Variants in FGF18 observed in about 807,000 individuals in gnomAD.
The protein encoded by FGF18 is fibroblast growth factor 18.
In FGF18, 5 loss-of-function variants were observed where a neutral mutation model predicts 23.0. The observed-to-expected ratio is 0.22, with a 90% confidence interval of 0.11 to 0.46. The LOEUF (loss-of-function observed/expected upper bound fraction) is 0.46. FGF18 is among the 20% of genes least tolerant of loss of function. The pLI, the probability that FGF18 is intolerant of heterozygous loss-of-function variation, is 0.99. For missense variants in FGF18, 180 were observed against 291.6 expected (o/e 0.62, Z 2.79); for synonymous variants, 117 against 118.9 (o/e 0.98, Z 0.10).
At chr5:171,423,081 C>T (rs1394560328) in intron 2 of FGF18, among the ~76,000 whole-genome samples, 2 of 152,112 alleles carry the variant, frequency 1.3e-5, no homozygotes, top group Non-Finnish European at 2.9e-5. Context: ...GTTTCTGGGC[C>T]CCTCCTTTCT....
intron 3 of FGF18, among the ~76,000 whole-genome samples, chr5:171,444,603 G>T (rs1408470150): frequency 6.7e-6 from 1 of 148,554 alleles, no homozygotes; most frequent in Admixed American, 6.7e-5. Context: ...TGAGGCTGGG[G>T]ATGGGTGGGT....
At position 171,434,868 on chromosome 5, in the gene FGF18, A is replaced by G. The variant is rs529360564; in HGVS notation, c.70-1225A>G. ...ACTGGGGCCAAAAGACAAAACCCAG[A>G]TAAGTGCTGGAAAGAAGCGCAAAGC... On this transcript the variant is annotated intron_variant, in intron 2 of 4. Transcript: ENST00000274625. The surrounding 1 kb of genome is among the most constrained non-coding windows in gnomAD (Gnocchi z 4.6). 8.6e-5 allele frequency among the ~76,000 whole-genome samples: 13 copies of G among 150,724 alleles called. 1 individual carries two copies. In the South Asian group the frequency reaches 2.5e-3, roughly 29 times the overall value.
rs1428446473 is a variant in FGF18 at position 171,449,368 on chromosome 5, TG to T, written c.357+116del. The T allele has an allele frequency of 3.0e-3, 1,288 of 435,392 alleles. 13 individuals are homozygous for T. Among genetic ancestry groups the T allele is most frequent in the African/African-American group, 0.028 (1,181 of 41,566 alleles). 27.0% of individuals were successfully genotyped at this position (435,392 alleles called of 1,614,324 possible). A position where few individuals can be genotyped will look rare whatever the true frequency, so the allele number is the denominator to read the frequency against. Reference sequence around the variant, plus strand: ...CCAAATGGAAAACAGGCCGTGTGTGTGTGTGTGTGTGTGTGTGTGTGTGTGT... The same window carrying T: ...CCAAATGGAAAACAGGCCGTGTGTGTTGTGTGTGTGTGTGTGTGTGTGTGT... On this transcript the variant is annotated intron_variant, in intron 4 of 4. Coordinates refer to ENST00000274625, the MANE Select transcript of FGF18 (RefSeq NM_003862.3).
intron 4 of FGF18, among the ~76,000 whole-genome samples, chr5:171,450,449 T>A (rs1772481279): frequency 6.6e-6 from 1 of 152,152 alleles, no homozygotes; most frequent in African/African-American, 2.4e-5. Flanking sequence ...CCCAGGAGGC[T>A]GCCACCGCTA....
intron 2 of FGF18, among the ~76,000 whole-genome samples, chr5:171,424,526 A>T (rs1018386796): frequency 6.6e-6 from 1 of 152,214 alleles, no homozygotes; most frequent in Non-Finnish European, 1.5e-5. Context: ...TGGATTCAAG[A>T]TCTTGTATTC....
At chr5:171,424,686 A>T (rs1298214129) in intron 2 of FGF18, among the ~76,000 whole-genome samples, 1 of 152,178 alleles carries the variant, frequency 6.6e-6, no homozygotes, top group East Asian at 1.9e-4. Flanking sequence ...TTGAGAGCCC[A>T]GGTAGGCGTC....
At chr5:171,454,589 G>T (rs1211020820) in intron 4 of FGF18, among the ~76,000 whole-genome samples, 1 of 152,180 alleles carries the variant, frequency 6.6e-6, no homozygotes, top group Non-Finnish European at 1.5e-5. Flanking sequence ...TTCTTACCCT[G>T]CCTGTCCCTT....
intron 3 of FGF18, among the ~76,000 whole-genome samples, chr5:171,448,691 T>A (rs533993564): frequency 6.6e-6 from 1 of 152,240 alleles, no homozygotes; most frequent in African/African-American, 2.4e-5. Context: ...CCTGTCCTGC[T>A]TGGGAGAATG....
intron 3 of FGF18, among the ~76,000 whole-genome samples, chr5:171,448,204 G>A (rs1196315680): frequency 6.6e-6 from 1 of 152,202 alleles, no homozygotes; most frequent in Admixed American, 6.5e-5. Context: ...GCTCTGTGGA[G>A]CATGGATGGT....
At chr5:171,423,410 G>GC (rs1191844498) in intron 2 of FGF18, among the ~76,000 whole-genome samples, 3 of 152,224 alleles carry the variant, frequency 2.0e-5, no homozygotes, top group Non-Finnish European at 4.4e-5. Context: ...CTTTCACGCA[G>GC]CTCGGCCGGC....
intron 3 of FGF18, among the ~76,000 whole-genome samples, chr5:171,445,380 A>T (rs1772403639): frequency 6.6e-6 from 1 of 152,122 alleles, no homozygotes; most frequent in Non-Finnish European, 1.5e-5. Flanking sequence ...ATGTTTTGAG[A>T]TGGAGTCTCA....
At position 171,420,245 on chromosome 5, in the gene FGF18, C is replaced by A; in HGVS notation, c.32+14C>A. 6.3e-7 allele frequency: 1 copy of A among 1,584,352 alleles called. No homozygotes were observed. The highest frequency in any genetic ancestry group is 8.6e-7 in the Non-Finnish European group (1 of 1,168,062). ...CTGCACTTGCCTGTAAGCGCCCGCG[C>A]GCGGGGCTGCCCACCTTGCCTGGCT... On this transcript the variant is annotated intron_variant, in intron 1 of 4. Coordinates refer to ENST00000274625, the MANE Select transcript of FGF18 (RefSeq NM_003862.3).
At chr5:171,442,863 A>G (rs559209968) in intron 3 of FGF18, among the ~76,000 whole-genome samples, 4 of 152,266 alleles carry the variant, frequency 2.6e-5, no homozygotes, top group East Asian at 3.9e-4. Context: ...CAGTCAGTCA[A>G]TGCCACTTCC....
In FGF18 at chr5:171,436,013, T is replaced by G. The variant is rs184499131; in HGVS notation, c.70-80T>G. On this transcript the variant is annotated intron_variant, in intron 2 of 4. Transcript: ENST00000274625. The surrounding 1 kb of genome is among the most constrained non-coding windows in gnomAD (Gnocchi z 4.4). Reference sequence around the variant, plus strand: ...CCGGTGTAGAGAAGCCCTTGGTCTTTGTGGTGGACGTGGCTGGCTCCTGCA... The same window carrying G: ...CCGGTGTAGAGAAGCCCTTGGTCTTGGTGGTGGACGTGGCTGGCTCCTGCA... 4.7e-4 allele frequency: 571 copies of G among 1,216,228 alleles called. 4 individuals are homozygous for G. In the African/African-American group the frequency reaches 8.0e-3, roughly 17 times the overall value. The allele number at this position is 1,216,228 out of a possible 1,614,324, so 75.3% of individuals were successfully genotyped here.
At chr5:171,446,621 T>A (rs1440559146) in intron 3 of FGF18, among the ~76,000 whole-genome samples, 5 of 152,142 alleles carry the variant, frequency 3.3e-5, no homozygotes, top group Non-Finnish European at 5.9e-5. Flanking sequence ...CTTGGGGTTG[T>A]CTGGGCCCCA....
At position 171,456,720 on chromosome 5, in the gene FGF18, A is replaced by C. The variant is rs759286664; in HGVS notation, c.539A>C (p.Lys180Thr). ...QDVHFMKRYPKGQPELQKPFK... is the reference protein window; with the variant it reads ...QDVHFMKRYPTGQPELQKPFK... Reference sequence around the variant, plus strand: ...GTGCATTTCATGAAGCGCTACCCCAAGGGGCAGCCGGAGCTTCAGAAGCCC... The same window carrying C: ...GTGCATTTCATGAAGCGCTACCCCACGGGGCAGCCGGAGCTTCAGAAGCCC... The change falls in exon 5 of 5, where the codon AAG becomes ACG. Residue 180 changes from lysine to threonine, a missense_variant. By Grantham distance (78) the Lys-to-Thr change is moderately conservative. This residue lies in a region of FGF18 where 40 missense variants were observed against 41.4 expected (regional missense o/e 0.97). Coordinates refer to ENST00000274625, the MANE Select transcript of FGF18 (RefSeq NM_003862.3). The surrounding 1 kb of genome is among the most constrained non-coding windows in gnomAD (Gnocchi z 6.1). 1 of 1,613,852 alleles carries C rather than the reference A, an allele frequency of 6.2e-7. No individual in the cohort carries two copies. Among genetic ancestry groups the C allele is most frequent in the Non-Finnish European group, 8.5e-7 (1 of 1,179,900 alleles).
In FGF18 at chr5:171,440,231, G is replaced by GC. The variant is rs1772322288; in HGVS notation, c.250+3958_250+3959insC. Among the ~76,000 whole-genome samples, 1 of 152,066 alleles carries GC rather than the reference G, an allele frequency of 6.6e-6. No homozygotes were observed. The highest frequency in any genetic ancestry group is 2.1e-4 in the South Asian group (1 of 4,822). On this transcript the variant is annotated intron_variant, in intron 3 of 4. Transcript: ENST00000274625. This position sits in a 1 kb window ranked among gnomAD's most constrained non-coding sequence, Gnocchi z 4.0. ...CCTCCTTACTATGGGTGTGTGGGGG[G>GC]GGGTGGTGCCATCGCGGGCTCAGGT...
intron 2 of FGF18, among the ~76,000 whole-genome samples, chr5:171,425,309 T>C (rs1416103911): frequency 6.6e-6 from 1 of 152,134 alleles, no homozygotes; most frequent in South Asian, 2.1e-4. Context: ...AATGGTGCGA[T>C]CTCGGCTAAC....
Position 171,440,528 on chromosome 5 carries a change from C to G in FGF18, c.250+4255C>G, listed in dbSNP as rs1294035112. Among the ~76,000 whole-genome samples, 2 of 152,142 alleles carry G rather than the reference C, an allele frequency of 1.3e-5. No individual in the cohort carries two copies. The highest frequency in any genetic ancestry group is 1.3e-4 in the Admixed American group (2 of 15,270). ...GGGAGGGGGCTACTGTGGTGAGTGA[C>G]ATGCCTCGTCCCAGCCATCAAAGAG... On this transcript the variant is annotated intron_variant, in intron 3 of 4. Coordinates refer to ENST00000274625, the MANE Select transcript of FGF18 (RefSeq NM_003862.3). This position sits in a 1 kb window ranked among gnomAD's most constrained non-coding sequence, Gnocchi z 4.0.
Sources: allele counts gnomAD v4.1 joint callset (sites outside exome capture counted in the v4.1 genomes callset), GRCh38; gene constraint gnomAD v4.1.1; regional missense constraint gnomAD v4.1.1; non-coding constraint Gnocchi (gnomAD v3.1); transcripts MANE v1.5; gene names NCBI Gene and HGNC (gene_info 2026-07-23, HGNC 2026-07-21).